TCF7: variants seen among roughly 807,000 people sequenced by gnomAD.
The protein encoded by TCF7 is transcription factor 7, also known as T-cell-factor-7.
In TCF7, 19 loss-of-function variants were observed where a neutral mutation model predicts 46.8. The observed-to-expected ratio is 0.41, with a 90% CI of 0.28 to 0.60. The LOEUF (loss-of-function observed/expected upper bound fraction) is 0.60. TCF7 is among the 20% of genes least tolerant of loss of function. The pLI is 0.35. For synonymous variants in TCF7, 245 were observed against 213.4 expected (o/e 1.15, Z -1.29); for missense variants, 547 against 504.6 (o/e 1.08, Z -0.81).
chr5:134,143,278 T>C (rs750328072), intron 8 of TCF7, 178 bp downstream of exon 8: 18 of 757,412 alleles, frequency 2.4e-5, no homozygotes, highest in Non-Finnish European at 2.3e-5. Flanking sequence ...CCACATCCTA[T>C]TCTCCACTCC....
chr5:134,129,403 T>C (rs766612094), intron 3 of TCF7, among the ~76,000 whole-genome samples: 2 of 152,230 alleles, frequency 1.3e-5, no homozygotes, highest in Non-Finnish European at 2.9e-5. Flanking sequence ...GCTATGAGGT[T>C]GTGCCTTGCC....
At position 134,116,807 on chromosome 5, in the gene TCF7, C is replaced by T. The variant is rs1248491875; in HGVS notation, c.441+774C>T. 2.6e-5 allele frequency among the ~76,000 whole-genome samples: 4 copies of T among 152,344 alleles called. No individual in the cohort carries two copies. In the East Asian group the frequency reaches 5.8e-4, roughly 22 times the overall value. On this transcript the variant is annotated intron_variant, in intron 3 of 9. Coordinates refer to ENST00000342854, the MANE Select transcript of TCF7 (RefSeq NM_003202.5). ...TGAGTGTTTTGGAGCAGTACAGCTG[C>T]GCTTTTAAAGAAATTCCTATTCGTG...
chr5:134,115,191 T>TCGCCG lies in TCF7; in HGVS notation c.249+48_249+52dup, dbSNP rs1329937997. Reference sequence around the variant, plus strand: ...GCCGGCGCCGGCTCCTCCCCCGCGGTCGCCGCGCCGCGCCGCCCCAGTTGC... The same window carrying TCGCCG: ...GCCGGCGCCGGCTCCTCCCCCGCGGTCGCCGCGCCGCGCCGCGCCGCCCCAGTTGC... On this transcript the variant is annotated intron_variant, in intron 1 of 9. Coordinates refer to ENST00000342854, the MANE Select transcript of TCF7 (RefSeq NM_003202.5). The TCGCCG allele has an allele frequency of 4.0e-4, 429 of 1,079,154 alleles. 1 individual carries two copies. The highest frequency in any genetic ancestry group is 5.8e-4 in the African/African-American group (34 of 58,550). The allele number at this position is 1,079,154 out of a possible 1,614,324, so 66.8% of individuals were successfully genotyped here.
At chr5:134,143,411 A>G in intron 8 of TCF7, 181 bp from the exon 9 acceptor site, 1 of 822,266 alleles carries the variant, frequency 1.2e-6, no homozygotes, top group Non-Finnish European at 2.1e-6. Context: ...GGGTGAGGGA[A>G]GAGCTTCTAA....
chr5:134,139,299 C>A, intron 5 of TCF7: 1 of 508,214 alleles, frequency 2.0e-6, no homozygotes, highest in Non-Finnish European at 3.5e-6. Context: ...AGCCCTGTCT[C>A]CCTCAGTGTC....
At chr5:134,142,020 A>G (rs6876997) in intron 5 of TCF7, 165 bp from the exon 6 acceptor site, 58,807 of 882,530 alleles carry the variant, frequency 0.067, 2,565 homozygotes, top group Admixed American at 0.17. Flanking sequence ...TGCTGGGAGC[A>G]GGTATTTGTA....
chr5:134,143,354 A>G, intron 8 of TCF7: 1 of 780,320 alleles, frequency 1.3e-6, no homozygotes, highest in East Asian at 2.4e-5. Flanking sequence ...AAGGGGAGAA[A>G]GGGGTCTGGA....
intron 3 of TCF7, among the ~76,000 whole-genome samples, chr5:134,136,770 G>A (rs2149333819): frequency 6.6e-6 from 1 of 152,286 alleles, no homozygotes; most frequent in South Asian, 2.1e-4. Flanking sequence ...CTCTTAAGGA[G>A]TCTGGCTAAA....
At position 134,124,517 on chromosome 5, in the gene TCF7, G is replaced by A. The variant is rs949216269; in HGVS notation, c.441+8484G>A. Among the ~76,000 whole-genome samples, 4 of 152,106 alleles carry A rather than the reference G, an allele frequency of 2.6e-5. No individual in the cohort carries two copies. In the South Asian group the frequency reaches 6.2e-4, roughly 24 times the overall value. On this transcript the variant is annotated intron_variant, in intron 3 of 9. Transcript: ENST00000342854. ...GAGTCTGGCCTTCTCCTGGGAGGAG[G>A]TCACCTGCCTGGGCTCTGCTAGCAG...
chr5:134,114,417 C>T (rs1378067348), upstream of TCF7, among the ~76,000 whole-genome samples: 2 of 152,154 alleles, frequency 1.3e-5, no homozygotes, highest in Admixed American at 6.5e-5. Flanking sequence ...GAGGAGAAAC[C>T]TGGGCGCAGA....
chr5:134,139,618 A>G (rs1759432333), intron 5 of TCF7: 1 of 153,928 alleles, frequency 6.5e-6, no homozygotes, highest in Non-Finnish European at 1.4e-5. Context: ...CTAAGCCAGT[A>G]GGCCTGACTA....
chr5:134,131,969 C>T (rs1276565786), intron 3 of TCF7, among the ~76,000 whole-genome samples: 1 of 152,218 alleles, frequency 6.6e-6, no homozygotes, highest in Non-Finnish European at 1.5e-5. Flanking sequence ...GCCAGTGTAG[C>T]CAGAACCCCC....
intron 9 of TCF7, chr5:134,144,556 C>T: frequency 1.9e-6 from 1 of 524,446 alleles, no homozygotes; most frequent in Non-Finnish European, 3.4e-6. Context: ...CCCTCCCTCC[C>T]ATTCTTCCCA....
intron 9 of TCF7, chr5:134,145,791 T>A: frequency 6.2e-7 from 1 of 1,613,948 alleles, no homozygotes; most frequent in African/African-American, 1.3e-5. Flanking sequence ...AGAGTCACTG[T>A]CCATGTCTTC....
At chr5:134,130,352 G>A (rs989172721) in intron 3 of TCF7, among the ~76,000 whole-genome samples, 1 of 152,244 alleles carries the variant, frequency 6.6e-6, no homozygotes, top group Non-Finnish European at 1.5e-5. Flanking sequence ...TGGACAGTGG[G>A]GCCCTAGCTC....
At chr5:134,142,062 A>G (rs563857653) in intron 5 of TCF7, 123 bp from the exon 6 acceptor site, 3 of 1,346,578 alleles carry the variant, frequency 2.2e-6, no homozygotes, top group Admixed American at 3.7e-5. Flanking sequence ...CTAGGCCAGT[A>G]GGATAGAGTA....
At chr5:134,144,934 C>A (rs1168852647) in intron 9 of TCF7, 6 of 1,426,178 alleles carry the variant, frequency 4.2e-6, no homozygotes, top group Non-Finnish European at 5.9e-6. Flanking sequence ...TGCACATGTT[C>A]CACTGGGCCT....
chr5:134,137,693 G>A (rs1013660692), intron 3 of TCF7, among the ~76,000 whole-genome samples: 4 of 151,470 alleles, frequency 2.6e-5, no homozygotes, highest in African/African-American at 9.8e-5. Flanking sequence ...GTGTGCTGGG[G>A]TAGGCCTGGG....
upstream of TCF7, among the ~76,000 whole-genome samples, chr5:134,113,924 T>G (rs557178415): frequency 2.0e-5 from 3 of 152,124 alleles, no homozygotes; most frequent in Non-Finnish European, 4.4e-5. Context: ...TGCCCAAAGT[T>G]CCGAGTCTCC....
Sources: allele counts gnomAD v4.1 joint callset (sites outside exome capture counted in the v4.1 genomes callset), GRCh38; gene constraint gnomAD v4.1.1; transcripts MANE v1.5; gene names NCBI Gene and HGNC (gene_info 2026-07-23, HGNC 2026-07-21).